MAGED1: variants seen among roughly 807,000 people sequenced by gnomAD.
MAGED1 encodes melanoma-associated antigen D1.
Under a neutral mutation model 54.1 loss-of-function variants are expected in MAGED1, and 3 were observed. The ratio of observed to expected loss-of-function variants is 0.06; its 90% confidence interval spans 0.03 to 0.14. The LOEUF is 0.14. Ranked by LOEUF, MAGED1 falls within the 10% of genes least tolerant of loss-of-function variation. The probability of loss-of-function intolerance (pLI) is 1.00; values close to 1 mark genes in which losing one functional copy is unlikely to be tolerated. For missense variants in MAGED1, 485 were observed against 623.4 expected (o/e 0.78, Z 2.36); for synonymous variants, 217 against 227.3 (o/e 0.95, Z 0.41).
intron 1 of MAGED1, among the ~76,000 whole-genome samples, chrX:51,870,502 C>T (rs782379993): frequency 8.1e-5 from 9 of 111,519 alleles, no homozygotes; most frequent in African/African-American, 9.8e-5. Context: ...ATTTGCCTTG[C>T]GTATATAAAG....
At chrX:51,822,708 T>C (rs1245075850) in intron 1 of MAGED1, among the ~76,000 whole-genome samples, 1 of 111,368 alleles carries the variant, frequency 9.0e-6, no homozygotes, top group Non-Finnish European at 1.9e-5. Context: ...GTTCTTTTTA[T>C]ACGTGTCTGA....
At chrX:51,894,819 G>A (rs782379901) in intron 2 of MAGED1, 2 of 1,134,775 alleles carry the variant, frequency 1.8e-6, no homozygotes, top group Non-Finnish European at 2.3e-6. Context: ...TCCGCATACC[G>A]CCCCACCCCT....
chrX:51,833,649 C>A (rs1400233060), intron 1 of MAGED1, among the ~76,000 whole-genome samples: 8 of 111,706 alleles, frequency 7.2e-5, no homozygotes, highest in East Asian at 2.8e-4. Context: ...CTGGAGAACA[C>A]CAAGTAATTT....
chrX:51,863,557 G>T (rs182549992), intron 1 of MAGED1, among the ~76,000 whole-genome samples: 1 of 111,850 alleles, frequency 8.9e-6, no homozygotes, highest in East Asian at 2.8e-4. Context: ...CCTCCATACT[G>T]TTTCTGCTAG....
rs1389321236 is a variant in MAGED1, at chrX:51,901,473, C to T, written c.1960-80C>T. 13 of 896,840 alleles carry T rather than the reference C, an allele frequency of 1.4e-5. No individual in the cohort carries two copies. The East Asian group carries it at 4.4e-4, about 30-fold the overall frequency. The allele number at this position is 896,840 out of a possible 1,213,427, so 73.9% of individuals were successfully genotyped here. ...TATCACATTGTCCTTATCCATTCAT[C>T]CACTGATGGACAGGTAGGTTGATTC... On this transcript the variant is annotated intron_variant, in intron 11 of 12. Transcript: ENST00000326587.
chrX:51,866,061 A>T (rs1328457676), intron 1 of MAGED1, among the ~76,000 whole-genome samples: 2 of 112,049 alleles, frequency 1.8e-5, no homozygotes, highest in Non-Finnish European at 3.8e-5. Context: ...TTTATAAATT[A>T]TGCAGTCTCA....
chrX:51,897,617 C>A lies in MAGED1; in HGVS notation c.1557C>A (p.Val519=). 8.3e-7 allele frequency: 1 copy of A among 1,205,087 alleles called. No homozygotes were observed. The highest frequency in any genetic ancestry group is 3.0e-5 in the East Asian group (1 of 33,763). The part of the protein sequence containing the change: ...YPEIIERACF[V]LEKKFGIQLK... ...AAATCATTGAACGTGCATGCTTTGTCCTAGAGAAGGTGAGAAGGCAGCCCT... is the reference window on the plus strand; with the variant it reads ...AAATCATTGAACGTGCATGCTTTGTACTAGAGAAGGTGAGAAGGCAGCCCT... The change falls in exon 6 of 13, where the codon GTC becomes GTA. Residue 519 remains valine (V), a synonymous_variant. Coordinates refer to ENST00000326587, the MANE Select transcript of MAGED1 (RefSeq NM_006986.4).
chrX:51,901,402 T>G, intron 11 of MAGED1, 151 bp from the exon 12 acceptor site: 1 of 484,634 alleles, frequency 2.1e-6, no homozygotes, highest in Non-Finnish European at 3.1e-6. Flanking sequence ...AATGGCAGAA[T>G]TTCCTTCTTT....
upstream of MAGED1, among the ~76,000 whole-genome samples, chrX:51,893,116 A>G (rs186717292): frequency 1.4e-4 from 16 of 110,678 alleles, no homozygotes; most frequent in East Asian, 3.7e-3. Context: ...GTCACGTGGC[A>G]GCCACAGACT....
intron 1 of MAGED1, among the ~76,000 whole-genome samples, chrX:51,844,915 C>T (rs1557359122): frequency 9.0e-6 from 1 of 111,164 alleles, no homozygotes; most frequent in Admixed American, 9.6e-5. Flanking sequence ...TAAAATTCTA[C>T]AGGCAGAAGA....
In MAGED1 at chrX:51,835,122, G is replaced by A. The variant is rs927450205; in HGVS notation, c.-37+32005G>A. 6.3e-5 allele frequency among the ~76,000 whole-genome samples: 7 copies of A among 111,444 alleles called. No homozygotes were observed. In the South Asian group the frequency reaches 1.9e-3, roughly 30 times the overall value. On this transcript the variant is annotated intron_variant, in intron 1 of 12. Coordinates refer to the MAGED1 transcript ENST00000375772. ...AAGTCGTCTGACTCTTTAAAATTTC[G>A]TTGTGGGAAGGTTATACAGATGCTC...
intron 1 of MAGED1, among the ~76,000 whole-genome samples, chrX:51,875,615 C>T (rs1179971130): frequency 9.0e-6 from 1 of 111,663 alleles, no homozygotes; most frequent in East Asian, 2.8e-4. Flanking sequence ...ATGGTGGAGA[C>T]CTGTTAGATA....
At chrX:51,851,138 T>C (rs1231037816) in intron 1 of MAGED1, among the ~76,000 whole-genome samples, 1 of 111,843 alleles carries the variant, frequency 8.9e-6, no homozygotes, top group Non-Finnish European at 1.9e-5. Context: ...TCTTTGTGGA[T>C]GGACCTTAGG....
At chrX:51,891,162 AAAAT>A (rs1928424761), upstream of MAGED1, among the ~76,000 whole-genome samples, 1 of 112,736 alleles carries the variant, frequency 8.9e-6, no homozygotes, top group African/African-American at 3.2e-5. Context: ...TAAATTTGTA[AAAAT>A]AAAAAACAAC....
intron 1 of MAGED1, among the ~76,000 whole-genome samples, chrX:51,830,401 T>C (rs189069354): frequency 1.3e-3 from 149 of 111,216 alleles, no homozygotes; most frequent in Non-Finnish European, 1.4e-3. Flanking sequence ...ATGTTTAGTT[T>C]ATTTCATAAA....
chrX:51,872,101 TC>T, intron 1 of MAGED1, among the ~76,000 whole-genome samples: 1 of 112,170 alleles, frequency 8.9e-6, no homozygotes, highest in Non-Finnish European at 1.9e-5. Context: ...TTCATATCCT[TC>T]GCCCACTTTT....
chrX:51,896,977 A>G lies in MAGED1; in HGVS notation c.1322A>G (p.Asn441Ser), dbSNP rs2147020623. Residue 441 changes from asparagine to serine, a missense_variant, in exon 4 of 13, where the codon AAC (asparagine) becomes AGC (serine). Physicochemically the swap from Asn to Ser is conservative, Grantham distance 46. Transcript: ENST00000326587. Reference protein sequence around the residue: ...ADWPIPPDWQNLRPSPNLRPS... With the variant: ...ADWPIPPDWQSLRPSPNLRPS... ...TGGCCAATTCCACCTGACTGGCAGA[A>G]CCTGCGCCCCTCGCCTAACCTGCGC... 8.3e-7 allele frequency: 1 copy of G among 1,211,009 alleles called. No homozygotes were observed. The highest frequency in any genetic ancestry group is 3.0e-5 in the East Asian group (1 of 33,793).
At chrX:51,868,534 T>G (rs1441183399) in intron 1 of MAGED1, among the ~76,000 whole-genome samples, 1 of 111,411 alleles carries the variant, frequency 9.0e-6, no homozygotes, top group Non-Finnish European at 1.9e-5. Context: ...GAAATCACTG[T>G]GATCATGAAG....
intron 1 of MAGED1, among the ~76,000 whole-genome samples, chrX:51,845,706 A>G (rs1269805374): frequency 9.0e-6 from 1 of 111,492 alleles, no homozygotes; most frequent in Non-Finnish European, 1.9e-5. Flanking sequence ...TTGATCCTGT[A>G]ATGGGTTGAG....
Sources: allele counts gnomAD v4.1 joint callset (sites outside exome capture counted in the v4.1 genomes callset), GRCh38; gene constraint gnomAD v4.1.1; transcripts MANE v1.5; gene names NCBI Gene and HGNC (gene_info 2026-07-23, HGNC 2026-07-21).